The following DMAP1 variants were observed in gnomAD, a reference collection of about 807,000 sequenced individuals.
DMAP1 encodes the protein DNA methyltransferase 1 associated protein 1.
Under a neutral mutation model 52.7 loss-of-function variants are expected in DMAP1, and 26 were observed. The ratio of observed to expected loss-of-function variants is 0.49; its 90% CI spans 0.36 to 0.68. DMAP1 has a LOEUF of 0.68. Ranked by LOEUF, DMAP1 falls within the 30% of genes least tolerant of loss-of-function variation. The probability of loss-of-function intolerance (pLI) is 0.00; values close to 1 mark genes in which losing one functional copy is unlikely to be tolerated. For missense variants in DMAP1, 439 were observed against 625.2 expected (o/e 0.70, Z 3.18); for synonymous variants, 231 against 246.0 (o/e 0.94, Z 0.57).
At position 44,214,769 on chromosome 1, in the gene DMAP1, C is replaced by A. The variant is rs147029879; in HGVS notation, c.264C>A (p.Gly88=). 114 of 1,614,156 alleles carry A rather than the reference C, an allele frequency of 7.1e-5. 1 individual carries two copies. In the African/African-American group the frequency reaches 1.4e-3, roughly 20 times the overall value. ...ACCGTACAGTGAAGGCCAAGTTGGG[C>A]TCCAAGAAGGTGCGGCCTTGGAAGT... ...QGYRTVKAKL[G]SKKVRPWKWM... Residue 88 remains glycine, a synonymous_variant, in exon 3 of 10, where the codon GGC becomes GGA. Transcript: ENST00000372289.
rs781441767 is a variant in DMAP1, at chr1:44,218,428, TTTG to T, written c.517_519del (p.Val173del). On this transcript the variant is annotated inframe_deletion, in exon 4 of 10. Transcript: ENST00000372289. The surrounding 1 kb of genome is among the most constrained non-coding windows in gnomAD (Gnocchi z 5.6). ...CCTCAGCCGCCGCTTTGACCTGCGT[TTTG>T]TTGTTATCCATGACCGGTATGACCA... 1.9e-6 allele frequency: 3 copies of T among 1,614,146 alleles called. No homozygotes were observed. The highest frequency in any genetic ancestry group is 8.5e-7 in the Non-Finnish European group (1 of 1,180,010).
rs899717136 is a variant in DMAP1 at position 44,218,295 on chromosome 1, C to T, written c.394-16C>T. ...TCATGCGGGCATGCCCCTACTGTGT[C>T]CCTCTGTGCTAGTAGACTGTGCAGG... On this transcript the variant is annotated splice_polypyrimidine_tract_variant and intron_variant, in intron 3 of 9. Transcript: ENST00000372289. The surrounding 1 kb of genome is among the most constrained non-coding windows in gnomAD (Gnocchi z 5.6). 6.2e-6 allele frequency: 10 copies of T among 1,614,124 alleles called. No individual in the cohort carries two copies. The Admixed American group carries it at 1.2e-4, about 19-fold the overall frequency.
In DMAP1 at chr1:44,218,621, T is replaced by C. The variant is rs764893235; in HGVS notation, c.586T>C (p.Tyr196His). Residue 196 changes from tyrosine to histidine, a missense_variant, in exon 5 of 10, where the codon TAC becomes CAC. Physicochemically the swap from Tyr to His is moderately conservative, Grantham distance 83. Transcript: ENST00000372289. This position sits in a 1 kb window ranked among gnomAD's most constrained non-coding sequence, Gnocchi z 5.6. ...RSVEDLKERY[Y>H]HICAKLANVR... ...TGTGGAAGACCTGAAGGAGCGGTAC[T>C]ACCACATCTGTGCTAAGCTTGCCAA... The C allele has an allele frequency of 1.9e-6, 3 of 1,613,246 alleles. No homozygotes were observed. Among genetic ancestry groups the C allele is most frequent in the Non-Finnish European group, 2.5e-6 (3 of 1,179,248 alleles).
intron 7 of DMAP1, 21 bp downstream of exon 7, chr1:44,219,498 A>G (rs776008238): frequency 6.4e-7 from 1 of 1,554,868 alleles, no homozygotes; most frequent in Admixed American, 2.1e-5. Flanking sequence ...CACCTCCTTT[A>G]GCAAGTTTGG....
At chr1:44,219,618 G>C in intron 7 of DMAP1, 141 bp downstream of exon 7, 1 of 1,142,924 alleles carries the variant, frequency 8.7e-7, no homozygotes, top group South Asian at 1.5e-5. Context: ...GGATCTCAGT[G>C]ATGTGGCCAG....
chr1:44,218,186 A>G lies in DMAP1; in HGVS notation c.394-125A>G, dbSNP rs943915955. The G allele has an allele frequency of 8.4e-6, 11 of 1,308,532 alleles. No homozygotes were observed. Among genetic ancestry groups the G allele is most frequent in the Middle Eastern group, 1.8e-4 (1 of 5,452 alleles). The allele number at this position is 1,308,532 out of a possible 1,614,324, so 81.1% of individuals were successfully genotyped here. A position where few individuals can be genotyped will look rare whatever the true frequency, so the allele number is the denominator to read the frequency against. ...AGCAGACAAGTTCTTTCCTCACTCCATGCTGCAGGGGCACAGGCCCAGGGT... is the reference window on the plus strand; with the variant it reads ...AGCAGACAAGTTCTTTCCTCACTCCGTGCTGCAGGGGCACAGGCCCAGGGT... On this transcript the variant is annotated intron_variant, in intron 3 of 9. Coordinates refer to ENST00000372289, the MANE Select transcript of DMAP1 (RefSeq NM_019100.5). This position sits in a 1 kb window ranked among gnomAD's most constrained non-coding sequence, Gnocchi z 5.6.
Position 44,214,357 on chromosome 1 carries a change from C to A in DMAP1, c.113C>A (p.Ser38Tyr). Residue 38 changes from serine (S) to tyrosine (Y), a missense_variant, in exon 2 of 10, where the codon TCC becomes TAC. Physicochemically the swap from Ser to Tyr is moderately radical, Grantham distance 144 (BLOSUM62 -2). Around this residue, in one of 3 missense-constraint regions of DMAP1, gnomAD observed 118 missense variants for 189.8 expected, o/e 0.62. Coordinates refer to ENST00000372289, the MANE Select transcript of DMAP1 (RefSeq NM_019100.5). ...TGTGGTTTCCTTCCTCAGAAAAAATCCAAGAAGTCCTCTGAGACACTGACT... is the reference window on the plus strand; with the variant it reads ...TGTGGTTTCCTTCCTCAGAAAAAATACAAGAAGTCCTCTGAGACACTGACT... Reference protein sequence around the residue: ...KDIINPDKKKSKKSSETLTFK... With the variant: ...KDIINPDKKKYKKSSETLTFK... The A allele has an allele frequency of 6.2e-7, 1 of 1,613,986 alleles. No individual in the cohort carries two copies. The highest frequency in any genetic ancestry group is 8.5e-7 in the Non-Finnish European group (1 of 1,179,998).
intron 1 of DMAP1, 67 bp from the exon 2 acceptor site, chr1:44,214,283 A>G: frequency 6.9e-7 from 1 of 1,454,086 alleles, no homozygotes; most frequent in African/African-American, 1.4e-5. Flanking sequence ...TCAGGGATTG[A>G]GCTGGACTAA....
rs181412704 is a variant in DMAP1, at chr1:44,219,622, T to C, written c.978+145T>C. 6.1e-6 allele frequency: 7 copies of C among 1,142,318 alleles called. No homozygotes were observed. The Admixed American group carries it at 1.7e-4, about 28-fold the overall frequency. The allele number at this position is 1,142,318 out of a possible 1,614,324, so 70.8% of individuals were successfully genotyped here. A position where few individuals can be genotyped will look rare whatever the true frequency, so the allele number is the denominator to read the frequency against. The stretch of plus-strand genomic sequence containing the variant: ...TGGCCTTGGCAGGATCTCAGTGATG[T>C]GGCCAGGCTAAGGTCATAGCAGCTT... On this transcript the variant is annotated intron_variant, in intron 7 of 9. Coordinates refer to ENST00000372289, the MANE Select transcript of DMAP1 (RefSeq NM_019100.5).
At chr1:44,215,059 G>GCA in intron 3 of DMAP1, 161 bp downstream of exon 3, 1 of 820,596 alleles carries the variant, frequency 1.2e-6, no homozygotes, top group South Asian at 1.4e-5. Context: ...GTAGGACTCT[G>GCA]TGGGTCTTTT....
At chr1:44,216,438 C>T (rs1240801021) in intron 3 of DMAP1, 1 of 152,176 alleles carries the variant, frequency 6.6e-6, no homozygotes, top group Non-Finnish European at 1.5e-5. Context: ...CCATGTTTCC[C>T]AGGCTGGTCT....
In DMAP1 at chr1:44,213,979, C is replaced by G; in HGVS notation, c.105+121C>G. ...GTGAGTTGGGCGATAAAAGGGGTGACATAACAGGACAGGGAATATGTGTCA... is the reference window on the plus strand; with the variant it reads ...GTGAGTTGGGCGATAAAAGGGGTGAGATAACAGGACAGGGAATATGTGTCA... On this transcript the variant is annotated intron_variant, in intron 1 of 9. Transcript: ENST00000372289. This position sits in a 1 kb window ranked among gnomAD's most constrained non-coding sequence, Gnocchi z 4.5. The G allele has an allele frequency of 1.1e-6, 1 of 875,542 alleles. No homozygotes were observed. The highest frequency in any genetic ancestry group is 1.8e-6 in the Non-Finnish European group (1 of 553,756). 54.2% of individuals were successfully genotyped at this position (875,542 alleles called of 1,614,324 possible). A position where few individuals can be genotyped will look rare whatever the true frequency, so the allele number is the denominator to read the frequency against.
At chr1:44,214,201 C>A in intron 1 of DMAP1, 149 bp from the exon 2 acceptor site, 1 of 759,724 alleles carries the variant, frequency 1.3e-6, no homozygotes, top group Non-Finnish European at 2.2e-6. Context: ...GGATGGTGTT[C>A]CTGGGAGTGG....
In DMAP1 at chr1:44,220,411, G is replaced by A; in HGVS notation, c.1344+102G>A. On this transcript the variant is annotated intron_variant, in intron 9 of 9. Transcript: ENST00000372289. ...TCCCTCTAGTGCCTGCAGCAGGAAC[G>A]ATCATCACTTCTGTGCGAGTCTGAG... is the stretch of plus-strand genomic sequence containing the variant. The A allele has an allele frequency of 5.9e-6, 9 of 1,538,320 alleles. No homozygotes were observed. In the Admixed American group the frequency reaches 9.9e-5, roughly 17 times the overall value.
At position 44,218,756 on chromosome 1, in the gene DMAP1, G is replaced by A; in HGVS notation, c.720+1G>A. On this transcript the variant is annotated splice_donor_variant, in intron 5 of 9. Transcript: ENST00000372289. LOFTEE classifies it high-confidence loss of function. The surrounding 1 kb of genome is among the most constrained non-coding windows in gnomAD (Gnocchi z 5.6). ...TCTCTACAACCGGACCCCAGAGCAG[G>A]TAAGCCCAAGGCCACATACCTGTCC... is the stretch of plus-strand genomic sequence containing the variant. 1 of 1,601,826 alleles carries A rather than the reference G, an allele frequency of 6.2e-7. No homozygotes were observed. The highest frequency in any genetic ancestry group is 8.5e-7 in the Non-Finnish European group (1 of 1,171,634).
chr1:44,220,643 G>A lies in DMAP1; in HGVS notation c.*25G>A, dbSNP rs369918786. The A allele has an allele frequency of 5.9e-5, 95 of 1,613,848 alleles. No individual in the cohort carries two copies. Among genetic ancestry groups the A allele is most frequent in the African/African-American group, 6.7e-5 (5 of 74,930 alleles). On this transcript the variant is annotated 3_prime_UTR_variant, in exon 10 of 10. Coordinates refer to ENST00000372289, the MANE Select transcript of DMAP1 (RefSeq NM_019100.5). ...AGAGGCCCCACGGGGTGTGGGCGAC[G>A]CTGTTATGTAAATAGAGCTGCTGAG...
intron 8 of DMAP1, 51 bp downstream of exon 8, chr1:44,219,929 TA>T: frequency 6.2e-7 from 1 of 1,613,374 alleles, no homozygotes; most frequent in Non-Finnish European, 8.5e-7. Context: ...AGGCTGTGGA[TA>T]TAGGTTGGGC....
Position 44,218,457 on chromosome 1 carries a change from C to A in DMAP1, c.540C>A (p.His180Gln), listed in dbSNP as rs144462164. The A allele has an allele frequency of 1.5e-5, 25 of 1,614,158 alleles. No homozygotes were observed. In the African/African-American group the frequency reaches 3.1e-4, roughly 20 times the overall value. ...TTGTTATCCATGACCGGTATGACCA[C>A]CAGCAGTTCAAGGTGAGCCATTGTG... ...RFVVIHDRYD[H>Q]QQFKKRSVED... Residue 180 changes from histidine to glutamine, a missense_variant, in exon 4 of 10, where the codon CAC (histidine) becomes CAA (glutamine). By Grantham distance (24) the His-to-Gln change is conservative. Around this residue, in one of 3 missense-constraint regions of DMAP1, gnomAD observed 142 missense variants for 149.5 expected, o/e 0.95. Transcript: ENST00000372289. The surrounding 1 kb of genome is among the most constrained non-coding windows in gnomAD (Gnocchi z 5.6).
intron 2 of DMAP1, 60 bp from the exon 3 acceptor site, chr1:44,214,643 A>G: frequency 6.2e-7 from 1 of 1,613,500 alleles, no homozygotes; most frequent in Non-Finnish European, 8.5e-7. Flanking sequence ...CCCTGGGACA[A>G]AAAGCTCTTT....
Sources: allele counts gnomAD v4.1 joint callset, GRCh38; gene constraint gnomAD v4.1.1; regional missense constraint gnomAD v4.1.1; non-coding constraint Gnocchi (gnomAD v3.1); transcripts MANE v1.5; gene names NCBI Gene and HGNC (gene_info 2026-07-23, HGNC 2026-07-21).